Variants in ZNF385B observed in about 807,000 individuals in gnomAD.
ZNF385B encodes zinc finger protein 533.
In ZNF385B, 23 loss-of-function variants were observed where a neutral mutation model predicts 39.2. The observed-to-expected ratio is 0.59, with a 90% CI of 0.42 to 0.83. The LOEUF (loss-of-function observed/expected upper bound fraction) is 0.83, where lower values mean the gene tolerates loss of function less well. Among genes scored for constraint, ZNF385B ranks in the 40% least tolerant of loss-of-function variants. The pLI is 0.00. For missense variants in ZNF385B, 552 were observed against 598.9 expected (o/e 0.92, Z 0.82); for synonymous variants, 205 against 222.6 (o/e 0.92, Z 0.70).
intron 3 of ZNF385B, among the ~76,000 whole-genome samples, chr2:179,606,307 G>A (rs932281505): frequency 3.9e-5 from 6 of 152,100 alleles, no homozygotes; most frequent in South Asian, 2.1e-4. Context: ...CCAACATCAC[G>A]TGCCGACATT....
chr2:179,689,398 T>G (rs1273087939), intron 3 of ZNF385B, among the ~76,000 whole-genome samples: 2 of 152,122 alleles, frequency 1.3e-5, no homozygotes, highest in African/African-American at 4.8e-5. Flanking sequence ...ACCTGAAGCT[T>G]TGTGGACACT....
Position 179,618,959 on chromosome 2 carries a change from C to T in ZNF385B, c.299-73990G>A, listed in dbSNP as rs1289969580. Among the ~76,000 whole-genome samples the T allele has an allele frequency of 6.6e-5, 10 of 152,144 alleles. No individual in the cohort carries two copies. The South Asian group carries it at 2.1e-3, about 32-fold the overall frequency. On this transcript the variant is annotated intron_variant, in intron 3 of 9. Transcript: ENST00000410066. ...GGCTTTTGTTTTGCTTCAATTTTTG[C>T]TTCAGTGTTCAGCGAATATAATGCA...
intron 1 of ZNF385B, among the ~76,000 whole-genome samples, chr2:179,841,501 A>G (rs1407291138): frequency 6.6e-6 from 1 of 152,204 alleles, no homozygotes; most frequent in African/African-American, 2.4e-5. Flanking sequence ...AATTGCTGAA[A>G]TGTAATTTGT....
At chr2:179,526,998 C>A (rs2058949628) in intron 4 of ZNF385B, among the ~76,000 whole-genome samples, 1 of 152,212 alleles carries the variant, frequency 6.6e-6, no homozygotes, top group South Asian at 2.1e-4. Context: ...AAGGCAATAA[C>A]AACACAACAC....
intron 1 of ZNF385B, 200 bp downstream of exon 1, chr2:179,860,901 A>C (rs1339892662): frequency 1.1e-5 from 2 of 185,064 alleles, no homozygotes; most frequent in South Asian, 2.5e-4. Flanking sequence ...AGGTCGTGGA[A>C]GCCACAGGCG....
chr2:179,592,431 GA>G (rs1360291637), intron 3 of ZNF385B, among the ~76,000 whole-genome samples: 4 of 152,170 alleles, frequency 2.6e-5, no homozygotes, highest in Non-Finnish European at 5.9e-5. Flanking sequence ...TATTTTCGTA[GA>G]AGGCTTTCCT....
intron 1 of ZNF385B, among the ~76,000 whole-genome samples, chr2:179,780,781 T>A (rs1348818829): frequency 2.0e-5 from 3 of 152,232 alleles, no homozygotes; most frequent in Non-Finnish European, 4.4e-5. Context: ...AAAACTGACA[T>A]TTAGAAATAT....
At chr2:179,573,099 G>A (rs892031934) in intron 3 of ZNF385B, among the ~76,000 whole-genome samples, 47 of 152,154 alleles carry the variant, frequency 3.1e-4, no homozygotes, top group Admixed American at 6.6e-5. Flanking sequence ...CTGCTCTCAA[G>A]TATTTAATGT....
intron 6 of ZNF385B, among the ~76,000 whole-genome samples, chr2:179,470,491 C>G (rs1013251424): frequency 1.6e-4 from 24 of 151,756 alleles, no homozygotes; most frequent in African/African-American, 5.1e-4. Flanking sequence ...TTGGCCCCCC[C>G]GGGCTATGGT....
At chr2:179,823,327 G>A (rs1366048184) in intron 1 of ZNF385B, among the ~76,000 whole-genome samples, 1 of 152,110 alleles carries the variant, frequency 6.6e-6, no homozygotes, top group Non-Finnish European at 1.5e-5. Flanking sequence ...AGATGAAAAT[G>A]TTTGCTGTGT....
At chr2:179,623,956 C>T (rs576451229) in intron 3 of ZNF385B, among the ~76,000 whole-genome samples, 1 of 152,244 alleles carries the variant, frequency 6.6e-6, no homozygotes, top group South Asian at 2.1e-4. Context: ...TCTAAAGGGG[C>T]TTTCATCTGC....
intron 3 of ZNF385B, among the ~76,000 whole-genome samples, chr2:179,547,123 A>G (rs2060285123): frequency 6.7e-6 from 1 of 149,730 alleles, no homozygotes; most frequent in South Asian, 2.1e-4. Flanking sequence ...TTATAATCCC[A>G]TATCAGATGG....
At chr2:179,482,847 TAA>T (rs1000093959) in intron 6 of ZNF385B, among the ~76,000 whole-genome samples, 5 of 152,012 alleles carry the variant, frequency 3.3e-5, no homozygotes, top group Non-Finnish European at 5.9e-5. Flanking sequence ...TAAGAGAACA[TAA>T]AAATATCTAT....
At chr2:179,807,918 GA>G (rs1428924454) in intron 1 of ZNF385B, among the ~76,000 whole-genome samples, 4 of 149,628 alleles carry the variant, frequency 2.7e-5, no homozygotes, top group East Asian at 4.0e-4. Flanking sequence ...AAGAAAGAAA[GA>G]AAGAAAGAAA....
intron 3 of ZNF385B, among the ~76,000 whole-genome samples, chr2:179,754,266 C>G (rs887249730): frequency 7.9e-5 from 12 of 152,190 alleles, no homozygotes; most frequent in African/African-American, 2.2e-4. Flanking sequence ...ACCAGCCTTG[C>G]ATCCCAGGGA....
At chr2:179,503,650 A>G (rs911356977) in intron 5 of ZNF385B, among the ~76,000 whole-genome samples, 9 of 152,170 alleles carry the variant, frequency 5.9e-5, no homozygotes, top group Non-Finnish European at 1.0e-4. Context: ...AGTCTTAAAA[A>G]GAGATTGTGA....
At chr2:179,718,829 T>TAA (rs57140629) in intron 3 of ZNF385B, among the ~76,000 whole-genome samples, 25 of 144,818 alleles carry the variant, frequency 1.7e-4, no homozygotes, top group Non-Finnish European at 2.7e-4. Context: ...CTGTATCTAT[T>TAA]AAAAAAAAAA....
At chr2:179,745,905 G>A in intron 3 of ZNF385B, 2 of 1,255,694 alleles carry the variant, frequency 1.6e-6, no homozygotes, top group African/African-American at 1.5e-5. Flanking sequence ...CCAGTTGCTG[G>A]CTTATTGCAC....
chr2:179,755,371 A>C (rs555914598), intron 3 of ZNF385B, among the ~76,000 whole-genome samples: 21 of 152,282 alleles, frequency 1.4e-4, no homozygotes, highest in Admixed American at 5.2e-4. Context: ...CAATTTTGGA[A>C]TAAGTGCAAT....
Sources: gnomAD v4.1 joint callset for allele counts (sites outside exome capture counted in the v4.1 genomes callset) on GRCh38, gnomAD v4.1.1 for gene constraint, MANE v1.5 for transcripts, NCBI Gene and HGNC (gene_info 2026-07-23, HGNC 2026-07-21) for gene names.